Variants in LRRIQ1 observed in about 807,000 individuals in gnomAD.
LRRIQ1 encodes the protein leucine-rich repeat- and IQ domain-containing protein 1.
LRRIQ1 carries 210 observed loss-of-function variants against 211.9 expected under a neutral mutation model. The ratio of observed to expected loss-of-function variants is 0.99; its 90% CI spans 0.89 to 1.11. The LOEUF is 1.11. LRRIQ1 is among the 50% of genes most tolerant of loss of function. The pLI, the probability that LRRIQ1 is intolerant of heterozygous loss-of-function variation, is 0.00. For synonymous variants in LRRIQ1, 699 were observed against 650.1 expected (o/e 1.08, Z -1.14); for missense variants, 2,136 against 1,939.5 (o/e 1.10, Z -1.90).
At chr12:85,242,173 T>C (rs1895492774) in intron 26 of LRRIQ1, among the ~76,000 whole-genome samples, 1 of 152,008 alleles carries the variant, frequency 6.6e-6, no homozygotes, top group South Asian at 2.1e-4. Flanking sequence ...ATTATTATAT[T>C]ATAACCATAA....
intron 24 of LRRIQ1, among the ~76,000 whole-genome samples, chr12:85,208,769 A>T (rs1893690416): frequency 6.6e-6 from 1 of 152,178 alleles, no homozygotes; most frequent in Non-Finnish European, 1.5e-5. Flanking sequence ...ACTATGCATT[A>T]TCTATGCAGT....
intron 24 of LRRIQ1, among the ~76,000 whole-genome samples, chr12:85,181,420 G>A (rs1891975780): frequency 6.6e-6 from 1 of 151,588 alleles, no homozygotes; most frequent in African/African-American, 2.4e-5. Flanking sequence ...CAATATTATA[G>A]GGAAATAAAA....
intron 18 of LRRIQ1, among the ~76,000 whole-genome samples, chr12:85,136,102 T>C (rs1448642458): frequency 6.6e-6 from 1 of 151,984 alleles, no homozygotes; most frequent in Non-Finnish European, 1.5e-5. Context: ...AAAATCTTGT[T>C]TTTTACTGAC....
At chr12:85,230,825 G>A (rs1002943840) in intron 25 of LRRIQ1, among the ~76,000 whole-genome samples, 18 of 151,414 alleles carry the variant, frequency 1.2e-4, no homozygotes, top group Admixed American at 1.2e-3. Context: ...CGAGGCGGGC[G>A]GATCACGAGG....
intron 19 of LRRIQ1, among the ~76,000 whole-genome samples, chr12:85,149,898 AG>A (rs1048461369): frequency 2.2e-4 from 33 of 151,920 alleles, no homozygotes; most frequent in African/African-American, 8.0e-4. Context: ...GTATTTTCAA[AG>A]TTTTCTGTAC....
rs200254104 is a variant in LRRIQ1, at chr12:85,055,577, G to A, written c.784G>A (p.Glu262Lys). Residue 262 changes from glutamate (E) to lysine (K), a missense_variant, in exon 8 of 27, where the codon GAA becomes AAA. By Grantham distance (56) the Glu-to-Lys change is moderately conservative. Coordinates refer to ENST00000393217, the MANE Select transcript of LRRIQ1 (RefSeq NM_001079910.2). ...EYIRNLHLQM[E>K]EERTRFKDQQ... ...TATTAGAAACTTGCATTTACAAATGGAAGAAGAAAGAACAAGATTTAAAGA... is the reference window on the plus strand; with the variant it reads ...TATTAGAAACTTGCATTTACAAATGAAAGAAGAAAGAACAAGATTTAAAGA... 25 of 1,545,604 alleles carry A rather than the reference G, an allele frequency of 1.6e-5. No individual in the cohort carries two copies. The highest frequency in any genetic ancestry group is 2.1e-5 in the Non-Finnish European group (24 of 1,153,328).
intron 1 of LRRIQ1, among the ~76,000 whole-genome samples, chr12:85,254,205 A>T (rs1041192890): frequency 6.6e-6 from 1 of 152,078 alleles, no homozygotes; most frequent in Non-Finnish European, 1.5e-5. Context: ...AGCAGATGCC[A>T]TCATGCTTCC....
intron 19 of LRRIQ1, among the ~76,000 whole-genome samples, chr12:85,138,555 G>A (rs1050990085): frequency 7.3e-5 from 11 of 151,554 alleles, no homozygotes; most frequent in Middle Eastern, 3.4e-3. Context: ...TATCACTGCA[G>A]GAAGGTGATG....
rs564903999 is a variant in LRRIQ1, at chr12:85,225,515, A to G, written c.4823-4002A>G. ...AATGAGTATGTATTATTTTTATAAT[A>G]AAAGGTCAAAAAATGTTTAAATAAA... On this transcript the variant is annotated intron_variant, in intron 24 of 26. Coordinates refer to ENST00000393217, the MANE Select transcript of LRRIQ1 (RefSeq NM_001079910.2). Among the ~76,000 whole-genome samples, 3 of 152,324 alleles carry G rather than the reference A, an allele frequency of 2.0e-5. No individual in the cohort carries two copies. The South Asian group carries it at 6.2e-4, about 32-fold the overall frequency.
At chr12:85,041,486 T>A (rs1313626511) in intron 3 of LRRIQ1, among the ~76,000 whole-genome samples, 1 of 151,466 alleles carries the variant, frequency 6.6e-6, no homozygotes, top group Non-Finnish European at 1.5e-5. Flanking sequence ...AAGGTGATAT[T>A]TGAGCAATGA....
chr12:85,120,648 T>A (rs149794624), intron 15 of LRRIQ1, among the ~76,000 whole-genome samples: 63 of 152,370 alleles, frequency 4.1e-4, no homozygotes, highest in African/African-American at 1.3e-3. Context: ...TATTGAGTCT[T>A]CCTATCCATG....
intron 24 of LRRIQ1, among the ~76,000 whole-genome samples, chr12:85,207,907 A>G (rs1459459060): frequency 6.6e-6 from 1 of 152,148 alleles, no homozygotes; most frequent in Non-Finnish European, 1.5e-5. Flanking sequence ...TCTTTCACCA[A>G]TACCATACTG....
At chr12:85,235,351 T>G (rs1895128427) in intron 26 of LRRIQ1, among the ~76,000 whole-genome samples, 1 of 152,174 alleles carries the variant, frequency 6.6e-6, no homozygotes, top group Non-Finnish European at 1.5e-5. Flanking sequence ...GATAGTTTTA[T>G]GTTTGAATGC....
At chr12:85,158,914 G>A (rs1890710096) in intron 23 of LRRIQ1, among the ~76,000 whole-genome samples, 1 of 150,830 alleles carries the variant, frequency 6.6e-6, no homozygotes. Context: ...TTTTTATTGA[G>A]GTAAGAATAC....
chr12:85,195,770 C>A (rs1172074610), intron 24 of LRRIQ1, among the ~76,000 whole-genome samples: 1 of 152,228 alleles, frequency 6.6e-6, no homozygotes, highest in African/African-American at 2.4e-5. Flanking sequence ...TGGCACAAGA[C>A]AGGGATGCCC....
rs368433571 is a variant in LRRIQ1, at chr12:85,126,304, AGTTC to A, written c.4008-1525_4008-1522del. Among the ~76,000 whole-genome samples the A allele has an allele frequency of 4.4e-3, 665 of 152,284 alleles. 4 individuals carry two copies. The highest frequency in any genetic ancestry group is 0.015 in the African/African-American group (633 of 41,554). ...GACTTTACAAGAAATTCACAGTTAC[AGTTC>A]GTGAAACTTGCATGTGTCTATAAAG... On this transcript the variant is annotated intron_variant, in intron 17 of 26. Coordinates refer to ENST00000393217, the MANE Select transcript of LRRIQ1 (RefSeq NM_001079910.2).
Position 85,057,041 on chromosome 12 carries a change from A to G in LRRIQ1, c.2248A>G (p.Lys750Glu), listed in dbSNP as rs777630999. The G allele has an allele frequency of 1.9e-5, 30 of 1,608,880 alleles. No individual in the cohort carries two copies. The highest frequency in any genetic ancestry group is 2.4e-5 in the Non-Finnish European group (28 of 1,178,306). ...ERRLAWIKSF[K>E]PWLEIFKQNQ... ...GAGACTAGCCTGGATAAAATCATTT[A>G]AACCTTGGCTTGAAATTTTCAAGCA... Residue 750 changes from lysine to glutamate, a missense_variant, in exon 8 of 27, where the codon AAA becomes GAA. Coordinates refer to ENST00000393217, the MANE Select transcript of LRRIQ1 (RefSeq NM_001079910.2).
Position 85,229,400 on chromosome 12 carries a change from T to C in LRRIQ1, c.4823-117T>C, listed in dbSNP as rs137883750. On this transcript the variant is annotated intron_variant, in intron 24 of 26. Coordinates refer to ENST00000393217, the MANE Select transcript of LRRIQ1 (RefSeq NM_001079910.2). ...ATTAGTTTTCTTACAGATTTAGCTCTCATAAGTTAGTATTTTTTTTTCTTT... is the reference window on the plus strand; with the variant it reads ...ATTAGTTTTCTTACAGATTTAGCTCCCATAAGTTAGTATTTTTTTTTCTTT... 8.2e-5 allele frequency: 64 copies of C among 775,812 alleles called. No homozygotes were observed. The East Asian group carries it at 1.7e-3, about 20-fold the overall frequency. 48.1% of individuals were successfully genotyped at this position (775,812 alleles called of 1,614,324 possible).
chr12:85,180,094 A>T (rs1891902722), intron 24 of LRRIQ1, among the ~76,000 whole-genome samples: 1 of 151,998 alleles, frequency 6.6e-6, no homozygotes. Context: ...TTTCCAACTT[A>T]AACTTACAAC....
Sources: gnomAD v4.1 joint callset for allele counts (sites outside exome capture counted in the v4.1 genomes callset) on GRCh38, gnomAD v4.1.1 for gene constraint, MANE v1.5 for transcripts, NCBI Gene and HGNC (gene_info 2026-07-23, HGNC 2026-07-21) for gene names.